Variants in ZFAND3 observed in about 807,000 individuals in gnomAD.
The protein encoded by ZFAND3 is zinc finger AN1-type containing 3.
Under a neutral mutation model 29.6 loss-of-function variants are expected in ZFAND3, and 10 were observed. That is an observed-to-expected ratio of 0.34 (90% CI 0.21 to 0.57). ZFAND3 has a LOEUF of 0.57. Among genes scored for constraint, ZFAND3 ranks in the 20% least tolerant of loss-of-function variants. The pLI is 0.86. For synonymous variants in ZFAND3, 128 were observed against 112.6 expected (o/e 1.14, Z -0.87); for missense variants, 230 against 304.5 (o/e 0.76, Z 1.82).
intron 5 of ZFAND3, among the ~76,000 whole-genome samples, chr6:38,139,068 T>C (rs9470794): frequency 0.12 from 18,081 of 152,196 alleles, 1,330 homozygotes; most frequent in East Asian, 0.29. Context: ...GAGCAGCAGT[T>C]GGTCAGGTGG....
At chr6:37,979,641 C>T (rs1208715953) in intron 2 of ZFAND3, among the ~76,000 whole-genome samples, 1 of 152,186 alleles carries the variant, frequency 6.6e-6, no homozygotes, top group African/African-American at 2.4e-5. Context: ...CTATTCCTTG[C>T]CCTGTCTATG....
At chr6:37,951,709 G>A (rs1241793559) in intron 2 of ZFAND3, among the ~76,000 whole-genome samples, 2 of 152,074 alleles carry the variant, frequency 1.3e-5, no homozygotes, top group African/African-American at 4.8e-5. Context: ...GATTGGTCTG[G>A]CTAGGATCTC....
intron 2 of ZFAND3, among the ~76,000 whole-genome samples, chr6:37,946,998 A>G (rs73421422): frequency 0.013 from 1,972 of 152,326 alleles, 45 homozygotes; most frequent in African/African-American, 0.042. Context: ...TTGCACAACA[A>G]CGTGAATGTA....
Position 37,837,111 on chromosome 6 carries a change from G to T in ZFAND3, c.71+17095G>T, listed in dbSNP as rs1393255605. ...GGTTGAGATGTCATAGAAAGAAGGC[G>T]TTCATGTGGGAGATAATGAAATATA... is the stretch of plus-strand genomic sequence containing the variant. On this transcript the variant is annotated intron_variant, in intron 1 of 5. Coordinates refer to ENST00000287218, the MANE Select transcript of ZFAND3 (RefSeq NM_021943.3). Among the ~76,000 whole-genome samples, 4 of 152,238 alleles carry T rather than the reference G, an allele frequency of 2.6e-5. No homozygotes were observed. In the East Asian group the frequency reaches 7.7e-4, roughly 29 times the overall value.
chr6:37,897,568 G>A (rs913516635), intron 1 of ZFAND3, among the ~76,000 whole-genome samples: 1 of 152,182 alleles, frequency 6.6e-6, no homozygotes, highest in African/African-American at 2.4e-5. Flanking sequence ...TCAATGCTAA[G>A]CTTTTGCGGT....
intron 1 of ZFAND3, among the ~76,000 whole-genome samples, chr6:37,844,599 G>A (rs1430602463): frequency 2.6e-5 from 4 of 152,022 alleles, no homozygotes; most frequent in Non-Finnish European, 5.9e-5. Context: ...TCTTTTCTAA[G>A]TGAAACAGTG....
intron 2 of ZFAND3, among the ~76,000 whole-genome samples, chr6:38,048,582 A>G (rs896200531): frequency 1.3e-4 from 16 of 125,184 alleles, no homozygotes; most frequent in South Asian, 8.3e-4. Flanking sequence ...AGATCGCGCC[A>G]CTGCACTCCA....
chr6:38,051,034 G>A (rs1764015739), intron 2 of ZFAND3, among the ~76,000 whole-genome samples: 1 of 151,998 alleles, frequency 6.6e-6, no homozygotes. Flanking sequence ...AGTATTTAGG[G>A]GTAGGAATAG....
intron 2 of ZFAND3, among the ~76,000 whole-genome samples, chr6:37,976,336 C>G (rs1427473540): frequency 6.6e-6 from 1 of 152,098 alleles, no homozygotes; most frequent in Admixed American, 6.6e-5. Context: ...ATTCCCAGCA[C>G]TTTGGGAGGC....
intron 1 of ZFAND3, among the ~76,000 whole-genome samples, chr6:37,870,987 A>T (rs1254337890): frequency 6.6e-6 from 1 of 152,104 alleles, no homozygotes; most frequent in African/African-American, 2.4e-5. Context: ...CTTATGTTTC[A>T]TTGATCTCCT....
At chr6:37,981,071 C>T (rs1199966845) in intron 2 of ZFAND3, among the ~76,000 whole-genome samples, 1 of 152,176 alleles carries the variant, frequency 6.6e-6, no homozygotes, top group Admixed American at 6.5e-5. Context: ...ATTTAAAGTA[C>T]TGAGTTTCCT....
intron 2 of ZFAND3, among the ~76,000 whole-genome samples, chr6:37,996,915 A>C (rs1189836973): frequency 6.6e-6 from 1 of 152,044 alleles, no homozygotes; most frequent in Non-Finnish European, 1.5e-5. Flanking sequence ...TGGTTGTTTC[A>C]GTTTTTCATT....
chr6:37,872,903 G>T (rs1270577221), intron 1 of ZFAND3, among the ~76,000 whole-genome samples: 1 of 152,222 alleles, frequency 6.6e-6, no homozygotes, highest in African/African-American at 2.4e-5. Context: ...CTGCCAAACA[G>T]TTGGCTAATG....
At chr6:37,991,146 A>G (rs1056178327) in intron 2 of ZFAND3, among the ~76,000 whole-genome samples, 1 of 152,128 alleles carries the variant, frequency 6.6e-6, no homozygotes, top group Non-Finnish European at 1.5e-5. Flanking sequence ...AGTCTAAGGA[A>G]TAACTCCGCC....
chr6:38,036,370 A>C (rs951494029), intron 2 of ZFAND3, among the ~76,000 whole-genome samples: 15 of 152,192 alleles, frequency 9.9e-5, no homozygotes, highest in Non-Finnish European at 2.1e-4. Context: ...AACAAACAAC[A>C]AGCAACACCA....
chr6:37,891,856 G>A (rs1765111349), intron 1 of ZFAND3, among the ~76,000 whole-genome samples: 1 of 152,030 alleles, frequency 6.6e-6, no homozygotes, highest in Non-Finnish European at 1.5e-5. Flanking sequence ...AGCCTCCCGA[G>A]TAGTTGGGAT....
chr6:37,938,395 C>T (rs769845677), intron 2 of ZFAND3, among the ~76,000 whole-genome samples: 30 of 152,134 alleles, frequency 2.0e-4, no homozygotes, highest in Non-Finnish European at 1.6e-4. Flanking sequence ...ATTAATTGGT[C>T]ACCTTCATTA....
intron 5 of ZFAND3, among the ~76,000 whole-genome samples, chr6:38,126,912 A>G (rs1765645473): frequency 6.7e-6 from 1 of 148,386 alleles, no homozygotes; most frequent in African/African-American, 2.5e-5. Context: ...TAAAAGTTTT[A>G]TTTTTAGATT....
In ZFAND3 at chr6:38,076,199, A is replaced by ATT. The variant is rs11408862; in HGVS notation, c.296-6186_296-6185dup. Among the ~76,000 whole-genome samples, 13 of 151,716 alleles carry ATT rather than the reference A, an allele frequency of 8.6e-5. 1 individual carries two copies. Among genetic ancestry groups the ATT allele is most frequent in the Admixed American group, 3.3e-4 (5 of 15,198 alleles). ...ACTGAAGACTCAGATGATCATTAGC[A>ATT]TTTTTTTTAGAAATAAAGTTTTATA... On this transcript the variant is annotated intron_variant, in intron 3 of 5. Coordinates refer to ENST00000287218, the MANE Select transcript of ZFAND3 (RefSeq NM_021943.3).
Sources: allele counts gnomAD v4.1 joint callset (sites outside exome capture counted in the v4.1 genomes callset), GRCh38; gene constraint gnomAD v4.1.1; transcripts MANE v1.5; gene names NCBI Gene and HGNC (gene_info 2026-07-23, HGNC 2026-07-21).